EFCAB6: variants seen among roughly 807,000 people sequenced by gnomAD.
EFCAB6 encodes EF-hand calcium-binding domain-containing protein 6.
Under a neutral mutation model 169.8 loss-of-function variants are expected in EFCAB6, and 156 were observed. The ratio of observed to expected loss-of-function variants is 0.92; its 90% CI spans 0.81 to 1.05. The LOEUF is 1.05. Among genes scored for constraint, EFCAB6 ranks in the 50% least tolerant of loss-of-function variants. The pLI is 0.00. For synonymous variants in EFCAB6, 698 were observed against 676.4 expected, an observed-to-expected ratio of 1.03 and a Z score of -0.50; for missense variants, 1,800 against 1,829.1, an observed-to-expected ratio of 0.98 and a Z score of 0.29.
rs975355970 is a variant in EFCAB6 at position 43,807,452 on chromosome 22, G to T, written c.-8+1543C>A. ...CCATCAAATACACTTCTTAACCAATGGGAAAAACACAATTAGAAGGCTATC... is the reference window on the plus strand; with the variant it reads ...CCATCAAATACACTTCTTAACCAATTGGAAAAACACAATTAGAAGGCTATC... On this transcript the variant is annotated intron_variant, in intron 2 of 31. Coordinates refer to ENST00000262726, the MANE Select transcript of EFCAB6 (RefSeq NM_022785.4). 1.9e-4 allele frequency among the ~76,000 whole-genome samples: 29 copies of T among 152,226 alleles called. 1 individual carries two copies. The highest frequency in any genetic ancestry group is 1.8e-3 in the Admixed American group (27 of 15,288).
chr22:43,777,359 T>C (rs2061673998), intron 3 of EFCAB6, among the ~76,000 whole-genome samples: 1 of 152,078 alleles, frequency 6.6e-6, no homozygotes, highest in Non-Finnish European at 1.5e-5. Context: ...ACAGGTGGCA[T>C]TTCAGGACAT....
intron 26 of EFCAB6, among the ~76,000 whole-genome samples, chr22:43,569,063 G>C (rs997852430): frequency 6.6e-6 from 1 of 152,148 alleles, no homozygotes; most frequent in African/African-American, 2.4e-5. Flanking sequence ...TGCTACTTCC[G>C]GCAGAGCTTG....
chr22:43,660,261 T>C (rs1302445125), intron 17 of EFCAB6, among the ~76,000 whole-genome samples: 1 of 152,208 alleles, frequency 6.6e-6, no homozygotes, highest in Admixed American at 6.5e-5. Flanking sequence ...ATGTTCCCCG[T>C]GGGTCACTGG....
rs766287775 is a variant in EFCAB6 at position 43,530,953 on chromosome 22, G to A, written c.4245C>T (p.Gly1415=). The A allele has an allele frequency of 1.1e-5, 17 of 1,614,050 alleles. No homozygotes were observed. Among genetic ancestry groups the A allele is most frequent in the East Asian group, 4.5e-5 (2 of 44,886 alleles). Residue 1415 remains glycine, a synonymous_variant, in exon 31 of 32, where the codon GGC becomes GGT. Coordinates refer to ENST00000262726, the MANE Select transcript of EFCAB6 (RefSeq NM_022785.4). ...CAGAGTAAAAAGATGGCGTCTCCGCGCCGGCTTCTTTCTAGACACAAGACA... is the reference window on the plus strand; with the variant it reads ...CAGAGTAAAAAGATGGCGTCTCCGCACCGGCTTCTTTCTAGACACAAGACA... ...IQNAHKMKEA[G]AETPSFYSAL...
In EFCAB6 at chr22:43,537,509, G is replaced by A; in HGVS notation, c.3916C>T (p.Pro1306Ser). ...ASTTVIPGTPPLQNCDPIESR... is the reference protein window; with the variant it reads ...ASTTVIPGTPSLQNCDPIESR... ...TCTATGGGATCACAGTTCTGCAAGG[G>A]TGGAGTGCCCGGGATCACGGTGGTG... The change falls in exon 29 of 32, where the codon CCC becomes TCC. Residue 1306 changes from proline to serine, a missense_variant. Physicochemically the swap from Pro to Ser is moderately conservative, Grantham distance 74. Transcript: ENST00000262726. This position sits in a 1 kb window ranked among gnomAD's most constrained non-coding sequence, Gnocchi z 4.3. 2 of 1,614,060 alleles carry A rather than the reference G, an allele frequency of 1.2e-6. No homozygotes were observed. The highest frequency in any genetic ancestry group is 3.3e-4 in the Middle Eastern group (2 of 6,060).
At chr22:43,682,927 G>A (rs1272718269) in intron 12 of EFCAB6, among the ~76,000 whole-genome samples, 1 of 152,168 alleles carries the variant, frequency 6.6e-6, no homozygotes, top group Non-Finnish European at 1.5e-5. Context: ...AGAGGCAGGC[G>A]CTGGGGTCTC....
chr22:43,580,729 T>G, intron 24 of EFCAB6, 70 bp from the exon 25 acceptor site: 1 of 1,528,512 alleles, frequency 6.5e-7, no homozygotes, highest in Non-Finnish European at 8.9e-7. Flanking sequence ...CATTCAACAG[T>G]TGCTGAGCAC....
chr22:43,796,568 C>T lies in EFCAB6; in HGVS notation c.-8+12427G>A, dbSNP rs573212652. 1.3e-4 allele frequency among the ~76,000 whole-genome samples: 20 copies of T among 152,212 alleles called. 2 individuals are homozygous for T. The South Asian group carries it at 3.7e-3, about 28-fold the overall frequency. On this transcript the variant is annotated intron_variant, in intron 2 of 31. Transcript: ENST00000262726. ...CCTGATGTGATGACAGACACAGATA[C>T]GGCAACCGAGAAAAAACAAGTCGTG...
At chr22:43,647,061 C>T (rs985576716) in intron 17 of EFCAB6, among the ~76,000 whole-genome samples, 2 of 151,934 alleles carry the variant, frequency 1.3e-5, no homozygotes, top group Admixed American at 6.6e-5. Context: ...AGGCTGTGCA[C>T]GTGGGGACAG....
chr22:43,589,751 G>T (rs866355988), intron 24 of EFCAB6, among the ~76,000 whole-genome samples: 15 of 152,268 alleles, frequency 9.9e-5, no homozygotes, highest in African/African-American at 3.6e-4. Flanking sequence ...TCGCACCACT[G>T]CACTCCAGCC....
rs1318135405 is a variant in EFCAB6 at position 43,600,150 on chromosome 22, A to G, written c.2795T>C (p.Met932Thr). Residue 932 changes from methionine (M) to threonine (T), a missense_variant, in exon 23 of 32, where the codon ATG (methionine) becomes ACG (threonine). Transcript: ENST00000262726. ...RPCAEDYFNF[M>T]GHFTKPQQLQ... ...CTGCTGTGGCTTTGTAAAATGACCC[A>G]TGAAGTTGAAATAATCCTCTGCACA... is the stretch of plus-strand genomic sequence containing the variant. 6.2e-7 allele frequency: 1 copy of G among 1,614,022 alleles called. No individual in the cohort carries two copies. Among genetic ancestry groups the G allele is most frequent in the Admixed American group, 1.7e-5 (1 of 60,000 alleles).
At chr22:43,583,000 T>G (rs2050828829) in intron 24 of EFCAB6, among the ~76,000 whole-genome samples, 1 of 152,160 alleles carries the variant, frequency 6.6e-6, no homozygotes, top group South Asian at 2.1e-4. Flanking sequence ...AGTCTCTGTC[T>G]CATAAATTAT....
chr22:43,667,063 A>G, intron 17 of EFCAB6, 41 bp downstream of exon 17: 6 of 1,587,168 alleles, frequency 3.8e-6, no homozygotes, highest in Non-Finnish European at 5.1e-6. Flanking sequence ...AAACAGCTGA[A>G]CTTCTGCAGG....
chr22:43,633,466 T>C (rs2055133363), intron 18 of EFCAB6, among the ~76,000 whole-genome samples: 2 of 152,192 alleles, frequency 1.3e-5, no homozygotes, highest in African/African-American at 2.4e-5. Context: ...GAGAATCACT[T>C]GAACCCAGGA....
At chr22:43,593,685 C>T (rs966741322) in intron 23 of EFCAB6, among the ~76,000 whole-genome samples, 3 of 152,282 alleles carry the variant, frequency 2.0e-5, no homozygotes, top group African/African-American at 4.8e-5. Flanking sequence ...CACTTCATCC[C>T]TGTGTCCTTG....
chr22:43,678,978 G>T (rs1403183538), intron 12 of EFCAB6, among the ~76,000 whole-genome samples: 1 of 152,168 alleles, frequency 6.6e-6, no homozygotes, highest in African/African-American at 2.4e-5. Flanking sequence ...GGGGATATAT[G>T]CATGCTTACC....
intron 26 of EFCAB6, among the ~76,000 whole-genome samples, chr22:43,560,778 G>A (rs768424375): frequency 4.6e-5 from 7 of 152,194 alleles, no homozygotes; most frequent in Admixed American, 6.5e-5. Flanking sequence ...ACAGAGTGGC[G>A]CCCGGATTCT....
chr22:43,609,706 A>G (rs1318389588), intron 21 of EFCAB6, among the ~76,000 whole-genome samples: 1 of 152,232 alleles, frequency 6.6e-6, no homozygotes, highest in Non-Finnish European at 1.5e-5. Context: ...CTCAAATATA[A>G]TAGTAAAGGT....
intron 17 of EFCAB6, among the ~76,000 whole-genome samples, chr22:43,656,018 G>C (rs2056721406): frequency 6.6e-6 from 1 of 152,162 alleles, no homozygotes; most frequent in Admixed American, 6.5e-5. Context: ...ATGAAGAAAG[G>C]ATCTCACTAG....
Sources: gnomAD v4.1 joint callset for allele counts (sites outside exome capture counted in the v4.1 genomes callset) on GRCh38, gnomAD v4.1.1 for gene constraint, Gnocchi (gnomAD v3.1) non-coding constraint, MANE v1.5 for transcripts, NCBI Gene and HGNC (gene_info 2026-07-23, HGNC 2026-07-21) for gene names.